TBC1D9B: variants seen among roughly 807,000 people sequenced by gnomAD.
TBC1D9B encodes TBC1 domain family, member 9B (with GRAM domain).
TBC1D9B carries 87 observed loss-of-function variants against 121.1 expected under a neutral mutation model. That is an observed-to-expected ratio of 0.72 (90% CI 0.60 to 0.86). The LOEUF is 0.86. Ranked by LOEUF, TBC1D9B falls within the 40% of genes least tolerant of loss-of-function variation. The probability of loss-of-function intolerance (pLI) is 0.00; values close to 1 mark genes in which losing one functional copy is unlikely to be tolerated. For missense variants in TBC1D9B, 1,540 were observed against 1,628.6 expected (o/e 0.95, Z 0.94); for synonymous variants, 668 against 670.1 (o/e 1.00, Z 0.05).
intron 10 of TBC1D9B, among the ~76,000 whole-genome samples, chr5:179,876,853 T>C (rs938041215): frequency 6.6e-6 from 1 of 151,980 alleles, no homozygotes; most frequent in Non-Finnish European, 1.5e-5. Flanking sequence ...GTCGGATCAC[T>C]TGAGCCCAGG....
At chr5:179,895,527 C>A (rs1456710038) in intron 3 of TBC1D9B, among the ~76,000 whole-genome samples, 1 of 152,192 alleles carries the variant, frequency 6.6e-6, no homozygotes. Flanking sequence ...AGTTTCAGGG[C>A]CCGTCCATAC....
At chr5:179,889,568 C>T (rs994135238) in intron 6 of TBC1D9B, among the ~76,000 whole-genome samples, 8 of 152,030 alleles carry the variant, frequency 5.3e-5, no homozygotes, top group Admixed American at 6.6e-5. Flanking sequence ...TGGGAGGATA[C>T]GCCATAAAGG....
At chr5:179,877,664 C>CAA (rs564753950) in intron 10 of TBC1D9B, among the ~76,000 whole-genome samples, 2,375 of 66,534 alleles carry the variant, frequency 0.036, 86 homozygotes, top group African/African-American at 0.096. Flanking sequence ...GATTCTATCT[C>CAA]AAAAAAAAAA....
rs538600865 is a variant in TBC1D9B, at chr5:179,870,505, A to C, written c.2485-10T>G. The C allele has an allele frequency of 8.7e-6, 14 of 1,603,026 alleles. No individual in the cohort carries two copies. Among genetic ancestry groups the C allele is most frequent in the Non-Finnish European group, 1.2e-5 (14 of 1,178,072 alleles). On this transcript the variant is annotated splice_polypyrimidine_tract_variant and intron_variant, in intron 15 of 20. Transcript: ENST00000355235. ...TAGCCAGGTGCTTGGCCTGTGGGAC[A>C]CGGTCTGGTGAGACGGTCCAGCCGC...
chr5:179,903,329 C>T (rs543325195), intron 2 of TBC1D9B, among the ~76,000 whole-genome samples: 14 of 152,336 alleles, frequency 9.2e-5, no homozygotes, highest in African/African-American at 2.4e-4. Flanking sequence ...ACTGTCTGAG[C>T]GTCAGCTAGG....
chr5:179,899,162 G>A (rs759362976), intron 3 of TBC1D9B, 27 bp downstream of exon 3: 3 of 1,578,510 alleles, frequency 1.9e-6, no homozygotes, highest in Non-Finnish European at 2.6e-6. Flanking sequence ...GGAAGGGTGA[G>A]AACAGAGAGT....
At position 179,879,992 on chromosome 5, in the gene TBC1D9B, C is replaced by T. The variant is rs116458880; in HGVS notation, c.1255-203G>A. 5.2e-3 allele frequency: 3,262 copies of T among 631,856 alleles called. 89 individuals are homozygous for T. The African/African-American group carries it at 0.054, about 11-fold the overall frequency. The allele number at this position is 631,856 out of a possible 1,614,324, so 39.1% of individuals were successfully genotyped here. A position where few individuals can be genotyped will look rare whatever the true frequency, so the allele number is the denominator to read the frequency against. On this transcript the variant is annotated intron_variant, in intron 7 of 20. Coordinates refer to ENST00000355235, the MANE Select transcript of TBC1D9B (RefSeq NM_015043.4). ...CAGCTCCTCTCTGGCTGCTGGACAC[C>T]GAGTCCTCAGTAATTAACCCCACTC...
At position 179,904,255 on chromosome 5, in the gene TBC1D9B, C is replaced by T. The variant is rs1212062915; in HGVS notation, c.229+447G>A. Among the ~76,000 whole-genome samples, 2 of 129,944 alleles carry T rather than the reference C, an allele frequency of 1.5e-5. No homozygotes were observed. The highest frequency in any genetic ancestry group is 8.4e-5 in the Admixed American group (1 of 11,974). The allele number at this position is 129,944 out of a possible 152,430, so 85.2% of individuals were successfully genotyped here. A position where few individuals can be genotyped will look rare whatever the true frequency, so the allele number is the denominator to read the frequency against. On this transcript the variant is annotated intron_variant, in intron 2 of 20. Coordinates refer to ENST00000355235, the MANE Select transcript of TBC1D9B (RefSeq NM_015043.4). This position sits in a 1 kb window ranked among gnomAD's most constrained non-coding sequence, Gnocchi z 4.2. ...TTTTTTTTTTTTTGAGACGGAATCTCGCTGTGTCGCCCAGGCTGGAGTGCA... is the reference window on the plus strand; with the variant it reads ...TTTTTTTTTTTTTGAGACGGAATCTTGCTGTGTCGCCCAGGCTGGAGTGCA...
chr5:179,890,334 C>T lies in TBC1D9B; in HGVS notation c.1044+1045G>A, dbSNP rs951240378. Among the ~76,000 whole-genome samples, 1 of 152,210 alleles carries T rather than the reference C, an allele frequency of 6.6e-6. No individual in the cohort carries two copies. The highest frequency in any genetic ancestry group is 2.4e-5 in the African/African-American group (1 of 41,454). On this transcript the variant is annotated intron_variant, in intron 6 of 20. Transcript: ENST00000355235. This position sits in a 1 kb window ranked among gnomAD's most constrained non-coding sequence, Gnocchi z 5.0. ...CCCCGAGCTCCGCCAGGGCTCTCTA[C>T]CATCTGAGATGTCAAGGGCCCGGCA...
In TBC1D9B at chr5:179,904,396, TTG is replaced by T. The variant is rs1353280316; in HGVS notation, c.229+304_229+305del. Reference sequence around the variant, plus strand: ...TCCGCCACCACCCCCAGCTAATTTTTTGTGTTTTTTAGTAGAGACGTGGTTTC... The same window carrying T: ...TCCGCCACCACCCCCAGCTAATTTTTTGTTTTTTAGTAGAGACGTGGTTTC... On this transcript the variant is annotated intron_variant, in intron 2 of 20. Transcript: ENST00000355235. This position sits in a 1 kb window ranked among gnomAD's most constrained non-coding sequence, Gnocchi z 4.2. Among the ~76,000 whole-genome samples the T allele has an allele frequency of 2.0e-5, 3 of 151,942 alleles. No homozygotes were observed. Among genetic ancestry groups the T allele is most frequent in the Admixed American group, 6.6e-5 (1 of 15,260 alleles).
chr5:179,873,265 A>T lies in TBC1D9B; in HGVS notation c.2187-17T>A. The T allele has an allele frequency of 6.3e-7, 1 of 1,584,514 alleles. No homozygotes were observed. Among genetic ancestry groups the T allele is most frequent in the Non-Finnish European group, 8.6e-7 (1 of 1,165,336 alleles). ...TCCAGGTATCTGCAAAGGACAGAGG[A>T]CAACAGTCCAGACCACGCCCAGGCA... On this transcript the variant is annotated splice_polypyrimidine_tract_variant and intron_variant, in intron 12 of 20. Transcript: ENST00000355235.
chr5:179,900,508 T>G (rs1035155592), intron 2 of TBC1D9B, among the ~76,000 whole-genome samples: 1 of 151,984 alleles, frequency 6.6e-6, no homozygotes, highest in Non-Finnish European at 1.5e-5. Context: ...ACATGGCAGA[T>G]TCTCGTTATT....
At chr5:179,870,810 C>T in intron 15 of TBC1D9B, 1 of 370,316 alleles carries the variant, frequency 2.7e-6, no homozygotes, top group Non-Finnish European at 5.0e-6. Flanking sequence ...CTGAGGCTTG[C>T]TCTCGCTCCT....
intron 7 of TBC1D9B, among the ~76,000 whole-genome samples, chr5:179,887,332 G>A (rs1760718745): frequency 6.6e-6 from 1 of 152,218 alleles, no homozygotes; most frequent in Non-Finnish European, 1.5e-5. Context: ...AGGCGGACCT[G>A]CCAGAACCAA....
chr5:179,893,698 G>A (rs1760936606), intron 4 of TBC1D9B, among the ~76,000 whole-genome samples: 1 of 152,090 alleles, frequency 6.6e-6, no homozygotes, highest in Non-Finnish European at 1.5e-5. Context: ...CCCCACCAGT[G>A]GCTGAAGGGG....
chr5:179,894,027 G>A (rs1345384751), intron 4 of TBC1D9B, among the ~76,000 whole-genome samples: 1 of 152,190 alleles, frequency 6.6e-6, no homozygotes, highest in East Asian at 1.9e-4. Context: ...TGTCTGTAGG[G>A]AGGAACCTGC....
rs894276439 is a variant in TBC1D9B at position 179,890,151 on chromosome 5, C to A, written c.1044+1228G>T. ...ATTCAAGAGTCCACTACACCCACAG[C>A]AGAGTGAGCTGCGTGCGCAAAAGCC... On this transcript the variant is annotated intron_variant, in intron 6 of 20. Coordinates refer to ENST00000355235, the MANE Select transcript of TBC1D9B (RefSeq NM_015043.4). The surrounding 1 kb of genome is among the most constrained non-coding windows in gnomAD (Gnocchi z 5.0). Among the ~76,000 whole-genome samples the A allele has an allele frequency of 3.9e-5, 6 of 152,320 alleles. No individual in the cohort carries two copies. Among genetic ancestry groups the A allele is most frequent in the Admixed American group, 3.9e-4 (6 of 15,300 alleles).
chr5:179,863,352 C>T lies in TBC1D9B; in HGVS notation c.*96G>A. Reference sequence around the variant, plus strand: ...TGCTCCTGGGAGAGCAGGAGGGGCACACCTTTAAAGAGAAACTGATAAGGG... The same window carrying T: ...TGCTCCTGGGAGAGCAGGAGGGGCATACCTTTAAAGAGAAACTGATAAGGG... On this transcript the variant is annotated 3_prime_UTR_variant, in exon 21 of 21. Coordinates refer to ENST00000355235, the MANE Select transcript of TBC1D9B (RefSeq NM_015043.4). The surrounding 1 kb of genome is among the most constrained non-coding windows in gnomAD (Gnocchi z 4.5). The T allele has an allele frequency of 1.4e-6, 2 of 1,404,210 alleles. No homozygotes were observed. The highest frequency in any genetic ancestry group is 2.3e-5 in the East Asian group (1 of 43,248). The allele number at this position is 1,404,210 out of a possible 1,614,324, so 87.0% of individuals were successfully genotyped here. A position where few individuals can be genotyped will look rare whatever the true frequency, so the allele number is the denominator to read the frequency against.
chr5:179,887,804 G>C, intron 7 of TBC1D9B: 1 of 469,812 alleles, frequency 2.1e-6, no homozygotes. Context: ...CCTCCACAGT[G>C]TGGCTTTGCT....
Sources: gnomAD v4.1 joint callset for allele counts (sites outside exome capture counted in the v4.1 genomes callset) on GRCh38, gnomAD v4.1.1 for gene constraint, Gnocchi (gnomAD v3.1) non-coding constraint, MANE v1.5 for transcripts, NCBI Gene and HGNC (gene_info 2026-07-23, HGNC 2026-07-21) for gene names.